Variants in CRMP1 observed in about 807,000 individuals in gnomAD.
The protein encoded by CRMP1 is dihydropyrimidinase-related protein 1.
In CRMP1, 19 loss-of-function variants were observed where a neutral mutation model predicts 68.3. The observed-to-expected ratio is 0.28, with a 90% CI of 0.19 to 0.41. The LOEUF is 0.41. Ranked by LOEUF, CRMP1 falls within the 10% of genes least tolerant of loss-of-function variation. The pLI is 1.00. For synonymous variants in CRMP1, 439 were observed against 399.6 expected, an observed-to-expected ratio of 1.10 and a Z score of -1.18; for missense variants, 791 against 967.4, an observed-to-expected ratio of 0.82 and a Z score of 2.42.
At chr4:5,871,838 G>A (rs1361971416) in intron 1 of CRMP1, among the ~76,000 whole-genome samples, 1 of 152,202 alleles carries the variant, frequency 6.6e-6, no homozygotes. Context: ...TGGAAAATCT[G>A]AAGGGATACT....
intron 6 of CRMP1, among the ~76,000 whole-genome samples, chr4:5,846,591 C>G (rs944804987): frequency 8.9e-6 from 1 of 112,436 alleles, no homozygotes. Flanking sequence ...AGTTGGATCC[C>G]CAAAATTCTT....
chr4:5,841,400 A>G lies in CRMP1; in HGVS notation c.1061T>C (p.Ile354Thr), dbSNP rs1323883316. ...GCAGTTGATCCGGCCCGCAATGGTG[A>G]TGGCCCGGAACACCGCCTCGGCCTC... ...ELEAEAVFRA[I>T]TIAGRINCPV... is the part of the protein sequence containing the mutation. The change falls in exon 8 of 14, where the codon ATC becomes ACC. Residue 354 changes from isoleucine (I) to threonine (T), a missense_variant. By Grantham distance (89) the Ile-to-Thr change is moderately conservative. This residue lies in a region of CRMP1 where 594 missense variants were observed against 763.6 expected (regional missense o/e 0.78). Coordinates refer to ENST00000324989, the MANE Select transcript of CRMP1 (RefSeq NM_001014809.3). The surrounding 1 kb of genome is among the most constrained non-coding windows in gnomAD (Gnocchi z 6.9). The G allele has an allele frequency of 6.2e-7, 1 of 1,614,142 alleles. No homozygotes were observed. The highest frequency in any genetic ancestry group is 8.5e-7 in the Non-Finnish European group (1 of 1,180,016).
At chr4:5,864,589 A>G (rs756461206) in intron 2 of CRMP1, among the ~76,000 whole-genome samples, 73 of 152,208 alleles carry the variant, frequency 4.8e-4, no homozygotes, top group Non-Finnish European at 8.5e-4. Flanking sequence ...GCCACGAGGC[A>G]AGGCCCTGGT....
rs1407531162 is a variant in CRMP1 at position 5,843,712 on chromosome 4, C to T, written c.964-551G>A. 1.3e-5 allele frequency among the ~76,000 whole-genome samples: 2 copies of T among 152,170 alleles called. No homozygotes were observed. The highest frequency in any genetic ancestry group is 4.8e-5 in the African/African-American group (2 of 41,428). ...GTGCTTGTACTGCAGAGTTACTACG[C>T]TGATCAGATGAGCGAGCATACGAAA... On this transcript the variant is annotated intron_variant, in intron 6 of 13. Coordinates refer to ENST00000324989, the MANE Select transcript of CRMP1 (RefSeq NM_001014809.3). This position sits in a 1 kb window ranked among gnomAD's most constrained non-coding sequence, Gnocchi z 4.1.
Position 5,889,682 on chromosome 4 carries a change from A to G in CRMP1, c.381+2907T>C. 6.5e-7 allele frequency: 1 copy of G among 1,536,094 alleles called. No homozygotes were observed. Among genetic ancestry groups the G allele is most frequent in the Non-Finnish European group, 8.7e-7 (1 of 1,146,890 alleles). On this transcript the variant is annotated intron_variant, in intron 1 of 13. Transcript: ENST00000324989. This position sits in a 1 kb window ranked among gnomAD's most constrained non-coding sequence, Gnocchi z 4.5. ...TGCGAAATCCAACCCCACAGGTCCT[A>G]TGAAACTACTCATCTTTTCTGCTTT...
At position 5,892,441 on chromosome 4, in the gene CRMP1, G is replaced by C. The variant is rs1715994267; in HGVS notation, c.381+148C>G. 3.7e-6 allele frequency: 3 copies of C among 801,638 alleles called. No individual in the cohort carries two copies. The highest frequency in any genetic ancestry group is 1.2e-4 in the South Asian group (2 of 16,350). The allele number at this position is 801,638 out of a possible 1,614,324, so 49.7% of individuals were successfully genotyped here. Reference sequence around the variant, plus strand: ...GCTCTGGGAACCTCTTGCATGATGAGGTGGGGGAGGGGCCGCGCCGTGGCT... The same window carrying C: ...GCTCTGGGAACCTCTTGCATGATGACGTGGGGGAGGGGCCGCGCCGTGGCT... On this transcript the variant is annotated intron_variant, in intron 1 of 13. Coordinates refer to ENST00000324989, the MANE Select transcript of CRMP1 (RefSeq NM_001014809.3). The surrounding 1 kb of genome is among the most constrained non-coding windows in gnomAD (Gnocchi z 8.6).
chr4:5,857,555 T>A (rs1043918275), intron 3 of CRMP1, among the ~76,000 whole-genome samples: 1 of 152,228 alleles, frequency 6.6e-6, no homozygotes, highest in African/African-American at 2.4e-5. Flanking sequence ...TTACTATTTG[T>A]CAGATAATGC....
At chr4:5,845,262 C>T (rs1712105915) in intron 6 of CRMP1, among the ~76,000 whole-genome samples, 1 of 152,196 alleles carries the variant, frequency 6.6e-6, no homozygotes, top group Non-Finnish European at 1.5e-5. Flanking sequence ...CACCTTGCTT[C>T]TGATGAGCAG....
intron 12 of CRMP1, among the ~76,000 whole-genome samples, chr4:5,827,360 C>T (rs1241699472): frequency 6.6e-6 from 1 of 152,176 alleles, no homozygotes; most frequent in Non-Finnish European, 1.5e-5. Flanking sequence ...GTTTCCACCC[C>T]ATCCCTTGTT....
chr4:5,839,719 T>C, intron 8 of CRMP1, 41 bp from the exon 9 acceptor site: 1 of 1,574,348 alleles, frequency 6.4e-7, no homozygotes, highest in African/African-American at 1.4e-5. Context: ...AAGCAAATAC[T>C]CTCTTGAGGC....
chr4:5,848,551 T>G (rs927391215), intron 6 of CRMP1, among the ~76,000 whole-genome samples: 7 of 152,226 alleles, frequency 4.6e-5, no homozygotes, highest in African/African-American at 1.7e-4. Flanking sequence ...AATATGTTCA[T>G]GTCTCATTTT....
chr4:5,853,238 C>A lies in CRMP1; in HGVS notation c.821-1769G>T, dbSNP rs1222349981. Among the ~76,000 whole-genome samples, 3 of 152,178 alleles carry A rather than the reference C, an allele frequency of 2.0e-5. No homozygotes were observed. Among genetic ancestry groups the A allele is most frequent in the Admixed American group, 6.5e-5 (1 of 15,282 alleles). On this transcript the variant is annotated intron_variant, in intron 4 of 13. Transcript: ENST00000324989. The surrounding 1 kb of genome is among the most constrained non-coding windows in gnomAD (Gnocchi z 4.7). Reference sequence around the variant, plus strand: ...GACCAGCCTGGCCAATATGGTGATACCCCGTCTCTACTAAAAATACAAAAA... The same window carrying A: ...GACCAGCCTGGCCAATATGGTGATAACCCGTCTCTACTAAAAATACAAAAA...
At chr4:5,864,133 G>A (rs546744695) in intron 2 of CRMP1, among the ~76,000 whole-genome samples, 8 of 152,284 alleles carry the variant, frequency 5.3e-5, no homozygotes, top group East Asian at 3.9e-4. Flanking sequence ...CTTAATGAAT[G>A]CAGCTCAACC....
chr4:5,865,592 G>A lies in CRMP1; in HGVS notation c.470+1076C>T, dbSNP rs1373355458. Among the ~76,000 whole-genome samples, 1 of 146,622 alleles carries A rather than the reference G, an allele frequency of 6.8e-6. No individual in the cohort carries two copies. The highest frequency in any genetic ancestry group is 2.6e-5 in the African/African-American group (1 of 38,582). ...GCCGAGATTGTGCCACTGCACTCCA[G>A]CCTGGTGACAGAGTGAGACTCCGTC... On this transcript the variant is annotated intron_variant, in intron 2 of 13. Transcript: ENST00000324989. This position sits in a 1 kb window ranked among gnomAD's most constrained non-coding sequence, Gnocchi z 4.1.
At chr4:5,873,801 T>C (rs1714625567) in intron 1 of CRMP1, among the ~76,000 whole-genome samples, 1 of 152,112 alleles carries the variant, frequency 6.6e-6, no homozygotes, top group Admixed American at 6.5e-5. Context: ...TAAGTGGTCT[T>C]CTTTGGCTGA....
rs2152475538 is a variant in CRMP1, at chr4:5,883,883, T to C, written c.381+8706A>G. Among the ~76,000 whole-genome samples the C allele has an allele frequency of 6.6e-6, 1 of 152,380 alleles. No homozygotes were observed. Among genetic ancestry groups the C allele is most frequent in the Middle Eastern group, 3.4e-3 (1 of 294 alleles). On this transcript the variant is annotated intron_variant, in intron 1 of 13. Coordinates refer to ENST00000324989, the MANE Select transcript of CRMP1 (RefSeq NM_001014809.3). This position sits in a 1 kb window ranked among gnomAD's most constrained non-coding sequence, Gnocchi z 4.5. ...AAGAAATGGGCATTCACGGTTAAGG[T>C]GGTATAGTTACGTCACTTTCACTTT...
intron 1 of CRMP1, among the ~76,000 whole-genome samples, chr4:5,868,287 A>AAT (rs1714170634): frequency 1.6e-5 from 2 of 124,926 alleles, no homozygotes; most frequent in African/African-American, 5.5e-5. Context: ...ATATATATAT[A>AAT]TATATATATA....
chr4:5,859,080 G>A lies in CRMP1; in HGVS notation c.655+1946C>T, dbSNP rs1713351785. Among the ~76,000 whole-genome samples, 1 of 152,132 alleles carries A rather than the reference G, an allele frequency of 6.6e-6. No homozygotes were observed. The highest frequency in any genetic ancestry group is 2.4e-5 in the African/African-American group (1 of 41,412). On this transcript the variant is annotated intron_variant, in intron 3 of 13. Transcript: ENST00000324989. This position sits in a 1 kb window ranked among gnomAD's most constrained non-coding sequence, Gnocchi z 5.2. The stretch of plus-strand genomic sequence containing the variant: ...TTTGTAGCAGGAGTCACAGTTTCTA[G>A]TCATACATGTGGACGATTAGTGACT...
chr4:5,836,748 A>T lies in CRMP1; in HGVS notation c.1452+17T>A, dbSNP rs780259951. ...AGAGTGTTTCTAGAATGCTCCTGAG[A>T]AGAGATCCAGCCTTACCACCGCCTT... On this transcript the variant is annotated intron_variant, in intron 10 of 13. Coordinates refer to ENST00000324989, the MANE Select transcript of CRMP1 (RefSeq NM_001014809.3). 6.2e-7 allele frequency: 1 copy of T among 1,614,044 alleles called. No individual in the cohort carries two copies. The highest frequency in any genetic ancestry group is 1.1e-5 in the South Asian group (1 of 91,070).
Sources: gnomAD v4.1 joint callset for allele counts (sites outside exome capture counted in the v4.1 genomes callset) on GRCh38, gnomAD v4.1.1 for gene constraint, gnomAD v4.1.1 regional missense constraint, Gnocchi (gnomAD v3.1) non-coding constraint, MANE v1.5 for transcripts, NCBI Gene and HGNC (gene_info 2026-07-23, HGNC 2026-07-21) for gene names.